The following RASSF2 variants were observed in gnomAD, a reference collection of about 807,000 sequenced individuals.
RASSF2 encodes Ras association domain family member 2.
In RASSF2, 34 loss-of-function variants were observed where a neutral mutation model predicts 46.3. The ratio of observed to expected loss-of-function variants is 0.73; its 90% CI spans 0.56 to 0.98. The LOEUF (loss-of-function observed/expected upper bound fraction) is 0.98. Among genes scored for constraint, RASSF2 ranks in the 50% least tolerant of loss-of-function variants. RASSF2 has a pLI of 0.00. For synonymous variants in RASSF2, 158 were observed against 162.5 expected, an observed-to-expected ratio of 0.97 and a Z score of 0.21; for missense variants, 364 against 431.2, an observed-to-expected ratio of 0.84 and a Z score of 1.38.
intron 2 of RASSF2, among the ~76,000 whole-genome samples, chr20:4,817,259 A>C (rs1046916056): frequency 6.6e-6 from 1 of 152,182 alleles, no homozygotes; most frequent in African/African-American, 2.4e-5. Context: ...TGTTATCATT[A>C]TTATAAATAA....
chr20:4,816,082 G>T (rs1276790495), intron 2 of RASSF2, among the ~76,000 whole-genome samples: 1 of 152,082 alleles, frequency 6.6e-6, no homozygotes, highest in East Asian at 1.9e-4. Flanking sequence ...CGGGAGGATG[G>T]CTTGCATGCA....
rs1438208101 is a variant in RASSF2, at chr20:4,812,080, A to G, written c.-33+10249T>C. ...CAGGAAACCCCAGCCCCATTGCACC[A>G]CACGAGGAAGGAGACTTGAGCTGCG... On this transcript the variant is annotated intron_variant, in intron 2 of 11. Transcript: ENST00000379400. This position sits in a 1 kb window ranked among gnomAD's most constrained non-coding sequence, Gnocchi z 4.0. Among the ~76,000 whole-genome samples the G allele has an allele frequency of 6.6e-6, 1 of 152,162 alleles. No homozygotes were observed. Among genetic ancestry groups the G allele is most frequent in the Non-Finnish European group, 1.5e-5 (1 of 68,010 alleles).
chr20:4,805,635 G>A (rs1927281745), intron 2 of RASSF2, among the ~76,000 whole-genome samples: 1 of 152,156 alleles, frequency 6.6e-6, no homozygotes, highest in South Asian at 2.1e-4. Flanking sequence ...GTACATTTTG[G>A]AAAGGTCACC....
intron 9 of RASSF2, 50 bp downstream of exon 9, chr20:4,788,167 A>T (rs1466564712): frequency 1.4e-6 from 2 of 1,463,366 alleles, no homozygotes. Flanking sequence ...TTAACTTGCT[A>T]TTTTGAGTTA....
rs1437779099 is a variant in RASSF2, at chr20:4,812,044, T to C, written c.-33+10285A>G. On this transcript the variant is annotated intron_variant, in intron 2 of 11. Coordinates refer to ENST00000379400, the MANE Select transcript of RASSF2 (RefSeq NM_014737.3). This position sits in a 1 kb window ranked among gnomAD's most constrained non-coding sequence, Gnocchi z 4.0. ...CCTTGTAGTGGGGCAGGAAGCGGTG[T>C]GGATGGCAAACAGGAAACCCCAGCC... Among the ~76,000 whole-genome samples the C allele has an allele frequency of 6.6e-6, 1 of 151,760 alleles. No homozygotes were observed. Among genetic ancestry groups the C allele is most frequent in the Non-Finnish European group, 1.5e-5 (1 of 67,944 alleles).
chr20:4,810,877 C>G (rs1279690978), intron 2 of RASSF2, among the ~76,000 whole-genome samples: 1 of 152,054 alleles, frequency 6.6e-6, no homozygotes, highest in Non-Finnish European at 1.5e-5. Context: ...GGTGGCAGAC[C>G]CCACAGAGCC....
chr20:4,793,524 C>T (rs1269209049), intron 5 of RASSF2, among the ~76,000 whole-genome samples: 3 of 152,180 alleles, frequency 2.0e-5, no homozygotes, highest in African/African-American at 4.8e-5. Context: ...CAGAATGGAC[C>T]TGGTCAGAGC....
At chr20:4,792,724 C>A in intron 5 of RASSF2, 97 bp from the exon 6 acceptor site, 1 of 1,493,224 alleles carries the variant, frequency 6.7e-7, no homozygotes, top group Non-Finnish European at 8.9e-7. Flanking sequence ...GAAAGGGGAG[C>A]ACTTTGCTAG....
chr20:4,799,820 G>C (rs765870963), intron 3 of RASSF2, among the ~76,000 whole-genome samples: 2 of 152,242 alleles, frequency 1.3e-5, no homozygotes, highest in African/African-American at 2.4e-5. Flanking sequence ...CGTTAAGATA[G>C]AGAAATCCCA....
intron 2 of RASSF2, among the ~76,000 whole-genome samples, chr20:4,808,294 C>T (rs1037821462): frequency 5.3e-5 from 8 of 152,006 alleles, no homozygotes; most frequent in East Asian, 3.8e-4. Context: ...TGACTTCCCA[C>T]GGGGCCTTGG....
At position 4,781,230 on chromosome 20, in the gene RASSF2, T is replaced by TG. The variant is rs1445749290; in HGVS notation, c.*3042_*3043insC. The TG allele has an allele frequency of 4.2e-5, 4 of 95,492 alleles. No individual in the cohort carries two copies. The highest frequency in any genetic ancestry group is 4.9e-3 in the Middle Eastern group (1 of 204). The allele number at this position is 95,492 out of a possible 1,614,324, so 5.9% of individuals were successfully genotyped here. On this transcript the variant is annotated 3_prime_UTR_variant, in exon 12 of 12. Transcript: ENST00000379400. Reference sequence around the variant, plus strand: ...CTTTTTTGCATGGAAAACAGATATTTTGGGGGGGGCATTATATGCTACCGA... The same window carrying TG: ...CTTTTTTGCATGGAAAACAGATATTTGTGGGGGGGGCATTATATGCTACCGA...
At chr20:4,817,349 G>C (rs1196980607) in intron 2 of RASSF2, among the ~76,000 whole-genome samples, 1 of 152,078 alleles carries the variant, frequency 6.6e-6, no homozygotes, top group Non-Finnish European at 1.5e-5. Flanking sequence ...CCTAGGGGTG[G>C]AACTGCTGAG....
intron 2 of RASSF2, among the ~76,000 whole-genome samples, chr20:4,808,195 G>A (rs1927496279): frequency 6.6e-6 from 1 of 152,170 alleles, no homozygotes; most frequent in African/African-American, 2.4e-5. Flanking sequence ...CAGCTGGCTG[G>A]TTGCAATGCT....
chr20:4,786,704 T>A (rs1347416557), intron 10 of RASSF2, among the ~76,000 whole-genome samples: 2 of 152,218 alleles, frequency 1.3e-5, no homozygotes, highest in East Asian at 3.9e-4. Context: ...GGGTTCCAGA[T>A]GACGATTTGG....
intron 2 of RASSF2, among the ~76,000 whole-genome samples, chr20:4,805,963 C>T (rs1260741696): frequency 3.9e-5 from 6 of 152,118 alleles, no homozygotes; most frequent in Admixed American, 2.6e-4. Flanking sequence ...GTGCAGATAA[C>T]CAGAAGTACA....
Position 4,789,760 on chromosome 20 carries a change from G to A in RASSF2, c.538-63C>T, listed in dbSNP as rs1179147375. On this transcript the variant is annotated intron_variant, in intron 7 of 11. Transcript: ENST00000379400. ...AACAAGGACCCAGTGCTAAAATCCA[G>A]GTGCGGTACAGGGCACAGTGACAAC... is the stretch of plus-strand genomic sequence containing the variant. The A allele has an allele frequency of 8.6e-6, 12 of 1,392,910 alleles. No homozygotes were observed. In the East Asian group the frequency reaches 2.5e-4, roughly 29 times the overall value. The allele number at this position is 1,392,910 out of a possible 1,614,324, so 86.3% of individuals were successfully genotyped here.
intron 7 of RASSF2, 100 bp from the exon 8 acceptor site, chr20:4,789,797 T>C (rs1348766556): frequency 1.0e-6 from 1 of 954,246 alleles, no homozygotes; most frequent in Non-Finnish European, 1.6e-6. Flanking sequence ...ATACTCAGAA[T>C]GTACTCCCTG....
At position 4,797,768 on chromosome 20, in the gene RASSF2, G is replaced by T. The variant is rs112594046; in HGVS notation, c.135+242C>A. Among the ~76,000 whole-genome samples the T allele has an allele frequency of 1.8e-4, 27 of 152,210 alleles. 1 individual carries two copies. Among genetic ancestry groups the T allele is most frequent in the African/African-American group, 6.3e-4 (26 of 41,526 alleles). On this transcript the variant is annotated intron_variant, in intron 4 of 11. Coordinates refer to ENST00000379400, the MANE Select transcript of RASSF2 (RefSeq NM_014737.3). ...CTGGAGAATCTCCCCCATGAGACTG[G>T]GCTAGCCCTGCCACATTTCTACAGG...
chr20:4,802,190 G>A (rs1221716745), intron 2 of RASSF2, among the ~76,000 whole-genome samples: 1 of 152,132 alleles, frequency 6.6e-6, no homozygotes, highest in East Asian at 1.9e-4. Context: ...CCCCGCCTCA[G>A]CCTCCCGAGT....
Sources: allele counts gnomAD v4.1 joint callset (sites outside exome capture counted in the v4.1 genomes callset), GRCh38; gene constraint gnomAD v4.1.1; non-coding constraint Gnocchi (gnomAD v3.1); transcripts MANE v1.5; gene names NCBI Gene and HGNC (gene_info 2026-07-23, HGNC 2026-07-21).